CASK: variants seen among roughly 807,000 people sequenced by gnomAD.
CASK encodes peripheral plasma membrane protein CASK.
A neutral mutation model predicts 82.9 loss-of-function variants in CASK; 4 were observed. The observed-to-expected ratio is 0.05, with a 90% CI of 0.02 to 0.11. CASK has a LOEUF of 0.11. Among genes scored for constraint, CASK ranks in the 10% least tolerant of loss-of-function variants. CASK has a pLI of 1.00. For missense variants in CASK, 358 were observed against 720.9 expected (o/e 0.50, Z 5.76); for synonymous variants, 259 against 253.5 (o/e 1.02, Z -0.20).
chrX:41,919,511 A>G (rs1466359692), intron 1 of CASK, among the ~76,000 whole-genome samples: 1 of 112,524 alleles, frequency 8.9e-6, no homozygotes, highest in Non-Finnish European at 1.9e-5. Flanking sequence ...TCCTTCATGT[A>G]GTATTACCGG....
intron 20 of CASK, among the ~76,000 whole-genome samples, chrX:41,554,476 T>TA (rs1021661819): frequency 8.9e-6 from 1 of 112,084 alleles, no homozygotes; most frequent in Non-Finnish European, 1.9e-5. Context: ...TTTTAAAAGT[T>TA]AAAAAAAGCT....
At chrX:41,691,840 C>CAAAA (rs397895684) in intron 5 of CASK, among the ~76,000 whole-genome samples, 18 of 28,430 alleles carry the variant, frequency 6.3e-4, no homozygotes, top group African/African-American at 1.4e-3. Flanking sequence ...GACTCTGTCT[C>CAAAA]AAAAAAAAAA....
intron 26 of CASK, among the ~76,000 whole-genome samples, chrX:41,522,783 A>G (rs892227217): frequency 8.9e-6 from 1 of 112,519 alleles, no homozygotes; most frequent in Admixed American, 9.4e-5. Flanking sequence ...GCTCCCTCTT[A>G]AGAATCTTTT....
intron 25 of CASK, among the ~76,000 whole-genome samples, chrX:41,525,682 T>C (rs1189521820): frequency 8.9e-6 from 1 of 111,866 alleles, no homozygotes; most frequent in Non-Finnish European, 1.9e-5. Context: ...ATAGTAGATA[T>C]AATTTGCACA....
At chrX:41,902,916 G>C (rs1307153663) in intron 1 of CASK, among the ~76,000 whole-genome samples, 1 of 111,864 alleles carries the variant, frequency 8.9e-6, no homozygotes, top group African/African-American at 3.3e-5. Flanking sequence ...CATATGAAGA[G>C]GCAAAGAAAG....
intron 15 of CASK, 34 bp from the exon 16 acceptor site, chrX:41,569,780 T>A: frequency 1.2e-6 from 1 of 841,960 alleles, no homozygotes; most frequent in Non-Finnish European, 1.8e-6. Context: ...TCAGCAAAAG[T>A]AGAATTACTA....
rs761402580 is a variant in CASK, at chrX:41,555,639, T to C, written c.1807-4A>G. The C allele has an allele frequency of 4.2e-6, 5 of 1,195,375 alleles. No homozygotes were observed. The highest frequency in any genetic ancestry group is 5.7e-6 in the Non-Finnish European group (5 of 882,069). Reference sequence around the variant, plus strand: ...GTTGGGTAGTTGATGGCAAGTCCTGTAGAATAAAGCCAACCCAGGAGAAAA... The same window carrying C: ...GTTGGGTAGTTGATGGCAAGTCCTGCAGAATAAAGCCAACCCAGGAGAAAA... On this transcript the variant is annotated splice_polypyrimidine_tract_variant and splice_region_variant and intron_variant, in intron 19 of 26. Coordinates refer to ENST00000378163, the MANE Select transcript of CASK (RefSeq NM_001367721.1).
intron 1 of CASK, among the ~76,000 whole-genome samples, chrX:41,894,291 T>C (rs1384036963): frequency 3.6e-5 from 4 of 110,754 alleles, no homozygotes; most frequent in East Asian, 2.8e-4. Context: ...CAAGTTTAAG[T>C]TGACAGTAGA....
At chrX:41,777,234 G>A (rs146541016) in intron 3 of CASK, among the ~76,000 whole-genome samples, 5,476 of 111,378 alleles carry the variant, frequency 0.049, 135 homozygotes, top group Non-Finnish European at 0.073. Context: ...GCTCATGCCC[G>A]TAATCCCAGC....
chrX:41,818,097 G>A (rs2070448393), intron 2 of CASK, among the ~76,000 whole-genome samples: 1 of 108,555 alleles, frequency 9.2e-6, no homozygotes. Flanking sequence ...TGCAAGGTGA[G>A]GACTACCTGT....
chrX:41,892,222 AT>A lies in CASK; in HGVS notation c.59+30707del, dbSNP rs753034665. Among the ~76,000 whole-genome samples, 511 of 90,229 alleles carry A rather than the reference AT, an allele frequency of 5.7e-3. 2 individuals are homozygous for A. Among genetic ancestry groups the A allele is most frequent in the East Asian group, 0.01 (30 of 2,947 alleles). 78.4% of individuals were successfully genotyped at this position (90,229 alleles called of 115,157 possible). On this transcript the variant is annotated intron_variant, in intron 1 of 26. Coordinates refer to ENST00000378163, the MANE Select transcript of CASK (RefSeq NM_001367721.1). ...AAAGACACAAAATAGTTCAACGAGA[AT>A]TTTTTTTTTTTTTTTTTTGGCCAAT... is the stretch of plus-strand genomic sequence containing the variant.
At chrX:41,639,420 T>C (rs375319246) in intron 8 of CASK, among the ~76,000 whole-genome samples, 1 of 83,969 alleles carries the variant, frequency 1.2e-5, no homozygotes, top group Non-Finnish European at 2.3e-5. Flanking sequence ...CGAGAATAGA[T>C]TGGAAGGAGA....
intron 8 of CASK, among the ~76,000 whole-genome samples, chrX:41,653,022 G>A (rs184521710): frequency 2.6e-4 from 29 of 112,381 alleles, no homozygotes; most frequent in Non-Finnish European, 4.5e-4. Flanking sequence ...TGATACTATA[G>A]TGTCAGAATT....
chrX:41,597,045 G>A, intron 12 of CASK, among the ~76,000 whole-genome samples: 1 of 112,175 alleles, frequency 8.9e-6, no homozygotes, highest in East Asian at 2.8e-4. Context: ...ACTAAATCAA[G>A]TTTCATTTTT....
rs193033692 is a variant in CASK, at chrX:41,896,099, T to C, written c.59+26831A>G. Among the ~76,000 whole-genome samples the C allele has an allele frequency of 1.8e-3, 206 of 111,575 alleles. 2 individuals are homozygous for C. Among genetic ancestry groups the C allele is most frequent in the Admixed American group, 0.018 (184 of 10,508 alleles). ...TGAAAACAAGGGTTAAATAAGTCTT[T>C]GCAGCCAATGATTAAGGATCCAGCC... On this transcript the variant is annotated intron_variant, in intron 1 of 26. Coordinates refer to ENST00000378163, the MANE Select transcript of CASK (RefSeq NM_001367721.1).
At chrX:41,542,620 T>C (rs2064962619) in intron 22 of CASK, 71 bp downstream of exon 22, 2 of 691,076 alleles carry the variant, frequency 2.9e-6, no homozygotes, top group Non-Finnish European at 4.6e-6. Context: ...AAGACTGAAT[T>C]AAAATATTAC....
intron 2 of CASK, among the ~76,000 whole-genome samples, chrX:41,793,157 C>T (rs2147846329): frequency 8.9e-6 from 1 of 112,070 alleles, no homozygotes; most frequent in East Asian, 2.8e-4. Flanking sequence ...AACTCTGAGA[C>T]TTTAAAGTGC....
intron 21 of CASK, among the ~76,000 whole-genome samples, chrX:41,546,387 G>A (rs1316463505): frequency 8.9e-6 from 1 of 112,180 alleles, no homozygotes; most frequent in Non-Finnish European, 1.9e-5. Context: ...TGGGATTACA[G>A]GCATGAGCCA....
At chrX:41,654,866 A>G (rs1046467791) in intron 8 of CASK, among the ~76,000 whole-genome samples, 4 of 110,963 alleles carry the variant, frequency 3.6e-5, no homozygotes, top group African/African-American at 9.8e-5. Context: ...GAAGGCAGAG[A>G]TTACAGTGAG....
Sources: gnomAD v4.1 joint callset for allele counts (sites outside exome capture counted in the v4.1 genomes callset) on GRCh38, gnomAD v4.1.1 for gene constraint, MANE v1.5 for transcripts, NCBI Gene and HGNC (gene_info 2026-07-23, HGNC 2026-07-21) for gene names.